Variants in LPP observed in about 807,000 individuals in gnomAD.
LPP encodes LIM domain containing preferred translocation partner in lipoma.
Under a neutral mutation model 60.4 loss-of-function variants are expected in LPP, and 38 were observed. That is an observed-to-expected ratio of 0.63 (90% CI 0.49 to 0.83). LPP has a LOEUF of 0.83. Ranked by LOEUF, LPP falls within the 40% of genes least tolerant of loss-of-function variation. The pLI is 0.00. For missense variants in LPP, 902 were observed against 783.6 expected (o/e 1.15, Z -1.80); for synonymous variants, 328 against 290.8 (o/e 1.13, Z -1.30).
intron 3 of LPP, 23 bp downstream of exon 3, chr3:188,341,742 T>A (rs190240192): frequency 3.4e-4 from 328 of 961,714 alleles, no homozygotes; most frequent in Admixed American, 1.4e-3. Context: ...GCGTGTCTTC[T>A]TGTTTATGAA....
At chr3:188,174,473 AG>A (rs1300418385) in intron 1 of LPP, among the ~76,000 whole-genome samples, 1 of 152,246 alleles carries the variant, frequency 6.6e-6, no homozygotes, top group Non-Finnish European at 1.5e-5. Context: ...CGCATGAGGC[AG>A]CAGGGAAGGC....
At chr3:188,270,962 G>T (rs1036410801) in intron 2 of LPP, among the ~76,000 whole-genome samples, 2 of 152,188 alleles carry the variant, frequency 1.3e-5, no homozygotes, top group African/African-American at 4.8e-5. Flanking sequence ...TGGCAAAGTA[G>T]CAGGGTTGAA....
intron 6 of LPP, among the ~76,000 whole-genome samples, chr3:188,561,366 G>A (rs1353297457): frequency 6.6e-6 from 1 of 152,008 alleles, no homozygotes; most frequent in Admixed American, 6.6e-5. Context: ...GGTAGTTACT[G>A]TAGAAGAAAA....
chr3:188,769,458 A>G (rs1347342085), intron 9 of LPP, among the ~76,000 whole-genome samples: 1 of 152,218 alleles, frequency 6.6e-6, no homozygotes, highest in Non-Finnish European at 1.5e-5. Context: ...ACAGACCTGT[A>G]AGTGGATTGC....
chr3:188,629,382 G>GA (rs1257132202), intron 7 of LPP, among the ~76,000 whole-genome samples: 1 of 152,034 alleles, frequency 6.6e-6, no homozygotes, highest in Non-Finnish European at 1.5e-5. Context: ...GTTCTAGACA[G>GA]AAAATCAGTG....
In LPP at chr3:188,299,542, G is replaced by T. The variant is rs13079299; in HGVS notation, c.-66-42121G>T. 5.9e-3 allele frequency among the ~76,000 whole-genome samples: 891 copies of T among 152,206 alleles called. 12 individuals carry two copies. The highest frequency in any genetic ancestry group is 0.02 in the African/African-American group (845 of 41,522). ...CCCCTTAATAGGTTGGACAAGTCCC[G>T]TTAGGATAATTGGCTGTATGAATAT... On this transcript the variant is annotated intron_variant, in intron 2 of 11. Transcript: ENST00000617246.
intron 9 of LPP, among the ~76,000 whole-genome samples, chr3:188,777,378 A>G (rs9821083): frequency 0.96 from 146,393 of 152,144 alleles, 70,471 homozygotes; most frequent in East Asian, 1. Flanking sequence ...TATTTACTGA[A>G]CATCATCTGT....
intron 9 of LPP, among the ~76,000 whole-genome samples, chr3:188,793,519 A>G (rs535452403): frequency 1.3e-5 from 2 of 152,078 alleles, no homozygotes; most frequent in Non-Finnish European, 2.9e-5. Flanking sequence ...TGAGACCCAC[A>G]TCAGCGATCT....
chr3:188,154,834 CT>C (rs1300949090), intron 1 of LPP, among the ~76,000 whole-genome samples: 1 of 152,154 alleles, frequency 6.6e-6, no homozygotes, highest in Non-Finnish European at 1.5e-5. Flanking sequence ...CAAACCTGGC[CT>C]AGGGTAGAAA....
intron 2 of LPP, among the ~76,000 whole-genome samples, chr3:188,339,089 G>A (rs1033532788): frequency 6.6e-6 from 1 of 152,156 alleles, no homozygotes; most frequent in South Asian, 2.1e-4. Flanking sequence ...TTCTGAGGGT[G>A]AGCATATTTT....
intron 2 of LPP, among the ~76,000 whole-genome samples, chr3:188,256,558 A>G (rs1357680855): frequency 3.9e-5 from 6 of 152,092 alleles, no homozygotes; most frequent in Admixed American, 2.0e-4. Context: ...AAGCCTATTT[A>G]AGATTTTTTT....
Position 188,250,808 on chromosome 3 carries a change from C to CTTTCTTTCTCTT in LPP, c.-67+25282_-67+25283insTTCTTTCTCTTT, listed in dbSNP as rs749622593. On this transcript the variant is annotated intron_variant, in intron 2 of 11. Coordinates refer to ENST00000617246, the MANE Select transcript of LPP (RefSeq NM_001375462.1). ...TTTCTGTCTTTCTCTTTCTTTCTTT[C>CTTTCTTTCTCTT]TCTTTCTTTCTTTCTTTTTCTTTCT... 1.4e-3 allele frequency among the ~76,000 whole-genome samples: 181 copies of CTTTCTTTCTCTT among 132,078 alleles called. 5 individuals are homozygous for CTTTCTTTCTCTT. Among genetic ancestry groups the CTTTCTTTCTCTT allele is most frequent in the African/African-American group, 4.7e-3 (150 of 31,644 alleles). The allele number at this position is 132,078 out of a possible 152,430, so 86.6% of individuals were successfully genotyped here. A position where few individuals can be genotyped will look rare whatever the true frequency, so the allele number is the denominator to read the frequency against.
rs1237672156 is a variant in LPP, at chr3:188,527,353, A to G, written c.429+2566A>G. Among the ~76,000 whole-genome samples, 649 of 146,464 alleles carry G rather than the reference A, an allele frequency of 4.4e-3. 9 individuals carry two copies. Among genetic ancestry groups the G allele is most frequent in the African/African-American group, 0.013 (471 of 37,198 alleles). On this transcript the variant is annotated intron_variant, in intron 6 of 11. Transcript: ENST00000617246. ...GACAGAGGGAGACTCCATCTGAAAA[A>G]AAAAAAAAAAAAAAAAAGAGAGAAT...
At chr3:188,872,608 G>A (rs756090509) in intron 10 of LPP, 35 bp from the exon 11 acceptor site, 11 of 1,613,262 alleles carry the variant, frequency 6.8e-6, no homozygotes, top group African/African-American at 2.7e-5. Flanking sequence ...GTGTCGACGC[G>A]CAGTATCTAA....
At chr3:188,664,339 T>C (rs1173459227) in intron 7 of LPP, among the ~76,000 whole-genome samples, 1 of 152,216 alleles carries the variant, frequency 6.6e-6, no homozygotes, top group African/African-American at 2.4e-5. Flanking sequence ...GGCATGCCGC[T>C]AAATGTGTAA....
At chr3:188,363,905 CAAAA>C (rs541715135) in intron 3 of LPP, among the ~76,000 whole-genome samples, 2 of 96,898 alleles carry the variant, frequency 2.1e-5, no homozygotes, top group South Asian at 3.8e-4. Flanking sequence ...AACTCCCTCC[CAAAA>C]AAAAAAAAAA....
At chr3:188,506,868 G>T (rs1006271736) in intron 5 of LPP, among the ~76,000 whole-genome samples, 1 of 152,024 alleles carries the variant, frequency 6.6e-6, no homozygotes, top group Non-Finnish European at 1.5e-5. Flanking sequence ...CGCAATCTCG[G>T]CTCACTGCAA....
intron 5 of LPP, among the ~76,000 whole-genome samples, chr3:188,488,203 G>C (rs761037965): frequency 6.6e-6 from 1 of 152,140 alleles, no homozygotes; most frequent in Non-Finnish European, 1.5e-5. Flanking sequence ...TCAAGGCTCT[G>C]AGATTCATTG....
intron 7 of LPP, among the ~76,000 whole-genome samples, chr3:188,695,832 T>G (rs1448255026): frequency 6.6e-6 from 1 of 152,242 alleles, no homozygotes; most frequent in East Asian, 1.9e-4. Flanking sequence ...AGTTTGACTG[T>G]CTTGATTAAC....
Sources: allele counts gnomAD v4.1 joint callset (sites outside exome capture counted in the v4.1 genomes callset), GRCh38; gene constraint gnomAD v4.1.1; transcripts MANE v1.5; gene names NCBI Gene and HGNC (gene_info 2026-07-23, HGNC 2026-07-21).